The following SPMIP11 variants were observed in gnomAD, a reference collection of about 807,000 sequenced individuals.
SPMIP11 encodes the protein long intergenic non-protein coding RNA 935.
the SPMIP11 span, among the ~76,000 whole-genome samples, chr12:48,757,256 A>T: frequency 6.7e-6 from 1 of 149,560 alleles, no homozygotes; most frequent in East Asian, 1.9e-4. Context: ...TGAAAGACTT[A>T]AAAAAAAAAT....
At chr12:48,753,285 G>GCCA in the SPMIP11 span, among the ~76,000 whole-genome samples, 10 of 152,112 alleles carry the variant, frequency 6.6e-5, no homozygotes, top group Non-Finnish European at 1.3e-4. Flanking sequence ...CTACCCTCTA[G>GCCA]CCACAGACAT....
At chr12:48,748,975 C>T in the SPMIP11 span, among the ~76,000 whole-genome samples, 7 of 152,156 alleles carry the variant, frequency 4.6e-5, no homozygotes, top group African/African-American at 1.7e-4. Flanking sequence ...ATAATTTCCT[C>T]TTCTGGCTGA....
chr12:48,735,024 G>A, the SPMIP11 span, among the ~76,000 whole-genome samples: 2,432 of 53,356 alleles, frequency 0.046, 85 homozygotes, highest in African/African-American at 0.14. Context: ...AAAAAAAAAA[G>A]AAGAGGAGGA....
the SPMIP11 span, among the ~76,000 whole-genome samples, chr12:48,753,692 C>CTTTTTTTTTTTTTTTTTTTT: frequency 1.1e-4 from 13 of 118,820 alleles, no homozygotes; most frequent in African/African-American, 1.2e-4. Flanking sequence ...TTTTTTTTTT[C>CTTTTTTTTTTTTTTTTTTTT]TTTTTTTTTT....
chr12:48,761,465 C>A, the SPMIP11 span, among the ~76,000 whole-genome samples: 9 of 147,004 alleles, frequency 6.1e-5, no homozygotes, highest in African/African-American at 2.3e-4. Flanking sequence ...AAAAAAAAAT[C>A]GCAGGGCATG....
At chr12:48,754,284 A>T in the SPMIP11 span, among the ~76,000 whole-genome samples, 25 of 152,122 alleles carry the variant, frequency 1.6e-4, no homozygotes, top group African/African-American at 6.0e-4. Flanking sequence ...ACATGCCTGT[A>T]GTCTCAACTA....
At chr12:48,768,136 A>T in the SPMIP11 span, 6 of 221,666 alleles carry the variant, frequency 2.7e-5, no homozygotes, top group Admixed American at 1.0e-4. Context: ...AGCATGGAAT[A>T]GGCACTCCTC....
chr12:48,744,984 A>G, the SPMIP11 span, among the ~76,000 whole-genome samples: 2 of 152,066 alleles, frequency 1.3e-5, no homozygotes, highest in Admixed American at 6.6e-5. Flanking sequence ...AAAATATATT[A>G]AAGAGGCCGG....
At chr12:48,771,296 AGAACAGT>A in the SPMIP11 span, 1 of 483,662 alleles carries the variant, frequency 2.1e-6, no homozygotes, top group Non-Finnish European at 3.8e-6. The surrounding 1 kb of genome is among the most constrained non-coding windows in gnomAD (Gnocchi z 4.3). Context: ...ACTTCCCTCC[AGAACAGT>A]GAACAGCCCA....
the SPMIP11 span, among the ~76,000 whole-genome samples, chr12:48,755,126 G>A: frequency 5.5e-4 from 83 of 152,274 alleles, no homozygotes; most frequent in African/African-American, 1.8e-3. Flanking sequence ...CGAGTCACAG[G>A]GAAACTTGTA....
At chr12:48,770,961 C>G in the SPMIP11 span, 11 of 1,613,952 alleles carry the variant, frequency 6.8e-6, no homozygotes, top group South Asian at 1.1e-5. Context: ...AACCGCTCCT[C>G]GCTGATAATC....
the SPMIP11 span, among the ~76,000 whole-genome samples, chr12:48,749,249 G>A: frequency 2.1e-5 from 3 of 144,808 alleles, no homozygotes; most frequent in African/African-American, 5.1e-5. Flanking sequence ...GTGACAGAGT[G>A]AGACTCAGTC....
chr12:48,747,529 A>T, the SPMIP11 span, among the ~76,000 whole-genome samples: 38 of 152,276 alleles, frequency 2.5e-4, no homozygotes, highest in East Asian at 6.4e-3. Flanking sequence ...AGCCTTTTTA[A>T]TAGTGCAGAC....
At chr12:48,751,415 A>G in the SPMIP11 span, among the ~76,000 whole-genome samples, 20 of 152,180 alleles carry the variant, frequency 1.3e-4, no homozygotes, top group African/African-American at 4.8e-4. Context: ...GGGGTCTGAG[A>G]CCAGCCTGGG....
At chr12:48,757,647 AAAAAATAAAAAT>A in the SPMIP11 span, among the ~76,000 whole-genome samples, 7 of 83,802 alleles carry the variant, frequency 8.4e-5, no homozygotes, top group African/African-American at 2.9e-4. Flanking sequence ...CTCTATCTCA[AAAAAATAAAAAT>A]AAAAATAAAA....
the SPMIP11 span, among the ~76,000 whole-genome samples, chr12:48,755,962 C>T: frequency 6.7e-5 from 10 of 149,620 alleles, no homozygotes; most frequent in East Asian, 2.0e-4. Flanking sequence ...ACTGCAAGCT[C>T]GGCCTCCTGG....
chr12:48,759,478 G>A, the SPMIP11 span: 1 of 582,100 alleles, frequency 1.7e-6, no homozygotes, highest in African/African-American at 1.9e-5. Context: ...CACAAGGTCA[G>A]GAGTTCAAGA....
chr12:48,766,517 T>C, the SPMIP11 span: 1 of 152,688 alleles, frequency 6.5e-6, no homozygotes, highest in African/African-American at 2.4e-5. Context: ...TGGCACCAAG[T>C]AGTCTCTTCC....
chr12:48,746,029 C>T, the SPMIP11 span, among the ~76,000 whole-genome samples: 888 of 152,280 alleles, frequency 5.8e-3, 7 homozygotes, highest in African/African-American at 0.019. Flanking sequence ...ATTGATTGTG[C>T]CAGCCACTGT....
Sources: allele counts gnomAD v4.1 joint callset (sites outside exome capture counted in the v4.1 genomes callset), GRCh38; gene constraint gnomAD v4.1.1; non-coding constraint Gnocchi (gnomAD v3.1); transcripts MANE v1.5; gene names NCBI Gene and HGNC (gene_info 2026-07-23, HGNC 2026-07-21).